The following PCIF1 variants were observed in gnomAD, a reference collection of about 807,000 sequenced individuals.
PCIF1 encodes phosphorylated CTD interacting factor 1, also known as mRNA (2'-O-methyladenosine-N(6)-)-methyltransferase.
Under a neutral mutation model 86.9 loss-of-function variants are expected in PCIF1, and 12 were observed. That is an observed-to-expected ratio of 0.14 (90% CI 0.09 to 0.22). PCIF1 has a LOEUF of 0.22. Ranked by LOEUF, PCIF1 falls within the 10% of genes least tolerant of loss-of-function variation. PCIF1 has a pLI of 1.00. For synonymous variants in PCIF1, 397 were observed against 372.0 expected (o/e 1.07, Z -0.77); for missense variants, 701 against 951.1 (o/e 0.74, Z 3.46).
intron 6 of PCIF1, 46 bp from the exon 7 acceptor site, chr20:45,941,007 G>A: frequency 1.2e-6 from 2 of 1,614,166 alleles, no homozygotes; most frequent in South Asian, 1.1e-5. Flanking sequence ...CTGTGGGGTG[G>A]TGTGGGTGGG....
In PCIF1 at chr20:45,940,954, A is replaced by T; in HGVS notation, c.518+15A>T. ...CGACCCACTGAGTGAGTCCCTGCTG[A>T]TTGGCTTGGGGGCACCCATTGCTAA... is the stretch of plus-strand genomic sequence containing the variant. On this transcript the variant is annotated intron_variant, in intron 6 of 16. Coordinates refer to ENST00000372409, the MANE Select transcript of PCIF1 (RefSeq NM_022104.4). 1 of 1,613,828 alleles carries T rather than the reference A, an allele frequency of 6.2e-7. No individual in the cohort carries two copies. Among genetic ancestry groups the T allele is most frequent in the South Asian group, 1.1e-5 (1 of 91,062 alleles).
chr20:45,940,628 C>G lies in PCIF1; in HGVS notation c.387+16C>G, dbSNP rs758505739. 1 of 1,593,540 alleles carries G rather than the reference C, an allele frequency of 6.3e-7. No homozygotes were observed. The highest frequency in any genetic ancestry group is 8.5e-7 in the Non-Finnish European group (1 of 1,171,364). On this transcript the variant is annotated intron_variant, in intron 5 of 16. Coordinates refer to ENST00000372409, the MANE Select transcript of PCIF1 (RefSeq NM_022104.4). Reference sequence around the variant, plus strand: ...GAAGCCCAAGGTGAGTGTCTGTGGCCAGGAGCCGGCTGCCGAGCGGCCGGC... The same window carrying G: ...GAAGCCCAAGGTGAGTGTCTGTGGCGAGGAGCCGGCTGCCGAGCGGCCGGC...
Position 45,944,790 on chromosome 20 carries a change from C to T in PCIF1, c.1006-78C>T, listed in dbSNP as rs145382764. The stretch of plus-strand genomic sequence containing the variant: ...CAAAACAAGGACTGCTGGACTCCAA[C>T]AGCCCTGCGGTTACCTGCCAGCCCA... On this transcript the variant is annotated intron_variant, in intron 10 of 16. Transcript: ENST00000372409. The T allele has an allele frequency of 4.3e-4, 633 of 1,488,698 alleles. 1 individual carries two copies. The African/African-American group carries it at 7.0e-3, about 17-fold the overall frequency. The allele number at this position is 1,488,698 out of a possible 1,614,324, so 92.2% of individuals were successfully genotyped here. A position where few individuals can be genotyped will look rare whatever the true frequency, so the allele number is the denominator to read the frequency against.
At position 45,947,401 on chromosome 20, in the gene PCIF1, C is replaced by T; in HGVS notation, c.1846C>T (p.His616Tyr). The change falls in exon 16 of 17, where the codon CAT (histidine) becomes TAT (tyrosine). Residue 616 changes from histidine (H) to tyrosine (Y), a missense_variant. Transcript: ENST00000372409. The surrounding 1 kb of genome is among the most constrained non-coding windows in gnomAD (Gnocchi z 5.4). Reference protein sequence around the residue: ...RHQLILPAFEHEYRSGSQHIC... With the variant: ...RHQLILPAFEYEYRSGSQHIC... ...CCAGTTGATCCTGCCTGCCTTTGAGCATGAGTACCGCAGTGGCTCCCAGCA... is the reference window on the plus strand; with the variant it reads ...CCAGTTGATCCTGCCTGCCTTTGAGTATGAGTACCGCAGTGGCTCCCAGCA... 1.2e-6 allele frequency: 2 copies of T among 1,614,008 alleles called. No individual in the cohort carries two copies. The highest frequency in any genetic ancestry group is 1.7e-6 in the Non-Finnish European group (2 of 1,180,020).
At position 45,934,692 on chromosome 20, in the gene PCIF1, CG is replaced by C; in HGVS notation, c.-298del. ...CCAGCGCATGCGCAGCGCGGAGTCC[CG>C]GCCCGGGACACAAGATGGCGGCAGC... is the stretch of plus-strand genomic sequence containing the variant. On this transcript the variant is annotated 5_prime_UTR_variant, in exon 1 of 17. Coordinates refer to ENST00000372409, the MANE Select transcript of PCIF1 (RefSeq NM_022104.4). The C allele has an allele frequency of 2.5e-6, 1 of 398,610 alleles. No homozygotes were observed. The allele number at this position is 398,610 out of a possible 1,614,324, so 24.7% of individuals were successfully genotyped here.
chr20:45,943,556 A>G lies in PCIF1; in HGVS notation c.906-110A>G, dbSNP rs2083495254. 7.4e-7 allele frequency: 1 copy of G among 1,355,814 alleles called. No individual in the cohort carries two copies. The allele number at this position is 1,355,814 out of a possible 1,614,324, so 84.0% of individuals were successfully genotyped here. A position where few individuals can be genotyped will look rare whatever the true frequency, so the allele number is the denominator to read the frequency against. ...AGTGGGGCCAGCTCCCAAAGGCAGA[A>G]CAAGGGCTGTGATGGAAGCTAGGGG... On this transcript the variant is annotated intron_variant, in intron 9 of 16. Coordinates refer to ENST00000372409, the MANE Select transcript of PCIF1 (RefSeq NM_022104.4). The surrounding 1 kb of genome is among the most constrained non-coding windows in gnomAD (Gnocchi z 5.5).
chr20:45,940,373 C>A, intron 4 of PCIF1, 102 bp from the exon 5 acceptor site: 1 of 1,392,052 alleles, frequency 7.2e-7, no homozygotes, highest in Non-Finnish European at 9.5e-7. Context: ...TCTGCTCTTC[C>A]CTAAGGAGTA....
In PCIF1 at chr20:45,943,268, A is replaced by C; in HGVS notation, c.821+24A>C. 1 of 1,613,952 alleles carries C rather than the reference A, an allele frequency of 6.2e-7. No homozygotes were observed. The highest frequency in any genetic ancestry group is 1.3e-5 in the African/African-American group (1 of 75,022). The stretch of plus-strand genomic sequence containing the variant: ...AGGTACAGCTCCACAGCTGGGGATG[A>C]CCCTGGGCCATTTGGTTTCTGTGCC... On this transcript the variant is annotated intron_variant, in intron 8 of 16. Coordinates refer to ENST00000372409, the MANE Select transcript of PCIF1 (RefSeq NM_022104.4). This position sits in a 1 kb window ranked among gnomAD's most constrained non-coding sequence, Gnocchi z 5.5.
chr20:45,935,056 G>T (rs1399630083), intron 1 of PCIF1, among the ~76,000 whole-genome samples: 1 of 151,886 alleles, frequency 6.6e-6, no homozygotes, highest in Non-Finnish European at 1.5e-5. Flanking sequence ...CCGCCTTTGT[G>T]TCGGGCTCCG....
In PCIF1 at chr20:45,947,063, C is replaced by T. The variant is rs750575889; in HGVS notation, c.1614-10C>T. ...CTGATGGGACTTAGAATGCTCACTC[C>T]TGTCCCCAGGCCCTGCCTAGACTTT... On this transcript the variant is annotated splice_polypyrimidine_tract_variant and intron_variant, in intron 14 of 16. Coordinates refer to ENST00000372409, the MANE Select transcript of PCIF1 (RefSeq NM_022104.4). This position sits in a 1 kb window ranked among gnomAD's most constrained non-coding sequence, Gnocchi z 5.4. 1.2e-6 allele frequency: 2 copies of T among 1,602,872 alleles called. No homozygotes were observed. The highest frequency in any genetic ancestry group is 8.5e-7 in the Non-Finnish European group (1 of 1,171,784).
intron 2 of PCIF1, 193 bp downstream of exon 2, chr20:45,937,778 C>T (rs2083439109): frequency 5.1e-6 from 2 of 391,746 alleles, no homozygotes; most frequent in African/African-American, 4.1e-5. Context: ...TTTTTATCTG[C>T]CAAACTGTAC....
At chr20:45,938,859 C>G (rs1434141551) in intron 2 of PCIF1, 122 bp from the exon 3 acceptor site, 2 of 1,306,808 alleles carry the variant, frequency 1.5e-6, no homozygotes, top group African/African-American at 2.9e-5. Context: ...ACCATGCTGG[C>G]CCTCCAGGAT....
rs767144550 is a variant in PCIF1, at chr20:45,939,103, G to C, written c.104G>C (p.Arg35Pro). 5 of 1,613,942 alleles carry C rather than the reference G, an allele frequency of 3.1e-6. No individual in the cohort carries two copies. The highest frequency in any genetic ancestry group is 4.2e-6 in the Non-Finnish European group (5 of 1,180,018). Reference sequence around the variant, plus strand: ...CAGCCCTGTTCTCCAAAGCCAATCCGCCTGGTTCAGGACCTCCCAGGTACT... The same window carrying C: ...CAGCCCTGTTCTCCAAAGCCAATCCCCCTGGTTCAGGACCTCCCAGGTACT... ...QSQPCSPKPI[R>P]LVQDLPEELV... is the part of the protein sequence containing the mutation. Residue 35 changes from arginine to proline, a missense_variant, in exon 3 of 17, where the codon CGC (arginine) becomes CCC (proline). By Grantham distance (103) the Arg-to-Pro change is moderately radical. Transcript: ENST00000372409.
intron 4 of PCIF1, among the ~76,000 whole-genome samples, chr20:45,939,647 C>T (rs1169977725): frequency 6.6e-6 from 1 of 152,228 alleles, no homozygotes; most frequent in Non-Finnish European, 1.5e-5. Flanking sequence ...AGCAGGATTA[C>T]ACTTGTGGTC....
chr20:45,936,072 C>T (rs1407831845), intron 1 of PCIF1, among the ~76,000 whole-genome samples: 2 of 152,226 alleles, frequency 1.3e-5, no homozygotes, highest in East Asian at 1.9e-4. Flanking sequence ...CAGAGCGTGT[C>T]TTTGACTTGC....
chr20:45,947,161 T>G lies in PCIF1; in HGVS notation c.1702T>G (p.Phe568Val). The change falls in exon 15 of 17, where the codon TTT (phenylalanine) becomes GTT (valine). Residue 568 changes from phenylalanine to valine, a missense_variant. By Grantham distance (50) the Phe-to-Val change is conservative. Transcript: ENST00000372409. This position sits in a 1 kb window ranked among gnomAD's most constrained non-coding sequence, Gnocchi z 5.4. ...EELMDAMVSH[F>V]ERLLESSPEP... ...GCTCATGGATGCCATGGTCTCTCAC[T>G]TTGAGGTGGGTGCACTGCCAGGGTG... The G allele has an allele frequency of 1.2e-6, 2 of 1,612,368 alleles. No individual in the cohort carries two copies.
At position 45,947,099 on chromosome 20, in the gene PCIF1, G is replaced by C. The variant is rs1490814196; in HGVS notation, c.1640G>C (p.Ser547Thr). Reference protein sequence around the residue: ...RGPCLDFAPLSGSFEANPPFC... With the variant: ...RGPCLDFAPLTGSFEANPPFC... ...CCCTGCCTAGACTTTGCTCCACTGA[G>C]TGGTTCATTTGAGGCCAACCCTCCC... is the stretch of plus-strand genomic sequence containing the variant. The change falls in exon 15 of 17, where the codon AGT becomes ACT. Residue 547 changes from serine (S) to threonine (T), a missense_variant. Transcript: ENST00000372409. This position sits in a 1 kb window ranked among gnomAD's most constrained non-coding sequence, Gnocchi z 5.4. The C allele has an allele frequency of 1.9e-6, 3 of 1,613,346 alleles. No individual in the cohort carries two copies. Among genetic ancestry groups the C allele is most frequent in the East Asian group, 2.2e-5 (1 of 44,836 alleles).
intron 2 of PCIF1, 145 bp downstream of exon 2, chr20:45,937,730 G>A: frequency 2.5e-6 from 1 of 397,028 alleles, no homozygotes; most frequent in Non-Finnish European, 4.4e-6. Flanking sequence ...TGTTATCAAG[G>A]CACTTTTTGT....
At position 45,942,766 on chromosome 20, in the gene PCIF1, C is replaced by CTTTTTT. The variant is rs780815783; in HGVS notation, c.674-309_674-304dup. 6.4e-4 allele frequency among the ~76,000 whole-genome samples: 46 copies of CTTTTTT among 71,774 alleles called. 1 individual carries two copies. The highest frequency in any genetic ancestry group is 8.9e-4 in the Non-Finnish European group (33 of 36,936). The allele number at this position is 71,774 out of a possible 152,430, so 47.1% of individuals were successfully genotyped here. On this transcript the variant is annotated intron_variant, in intron 7 of 16. Transcript: ENST00000372409. Reference sequence around the variant, plus strand: ...AGGAGCTGGGACACCCAGCTAATTTCTTTTTTTTTTTTTTTTTTTTTTTTT... The same window carrying CTTTTTT: ...AGGAGCTGGGACACCCAGCTAATTTCTTTTTTTTTTTTTTTTTTTTTTTTTTTTTTT...
Sources: allele counts gnomAD v4.1 joint callset (sites outside exome capture counted in the v4.1 genomes callset), GRCh38; gene constraint gnomAD v4.1.1; non-coding constraint Gnocchi (gnomAD v3.1); transcripts MANE v1.5; gene names NCBI Gene and HGNC (gene_info 2026-07-23, HGNC 2026-07-21).